NUMA1: variants seen among roughly 807,000 people sequenced by gnomAD.
NUMA1 encodes the protein nuclear mitotic apparatus protein 1.
Under a neutral mutation model 237.1 loss-of-function variants are expected in NUMA1, and 62 were observed. That is an observed-to-expected ratio of 0.26 (90% CI 0.21 to 0.32). The LOEUF is 0.32. Among genes scored for constraint, NUMA1 ranks in the 10% least tolerant of loss-of-function variants. The pLI, the probability that NUMA1 is intolerant of heterozygous loss-of-function variation, is 1.00. For synonymous variants in NUMA1, 1,028 were observed against 1,066.1 expected, an observed-to-expected ratio of 0.96 and a Z score of 0.70; for missense variants, 2,533 against 2,666.5, an observed-to-expected ratio of 0.95 and a Z score of 1.10.
At chr11:72,051,515 G>C (rs1168599677) in intron 2 of NUMA1, among the ~76,000 whole-genome samples, 1 of 144,520 alleles carries the variant, frequency 6.9e-6, no homozygotes, top group East Asian at 2.0e-4. Context: ...CTGCTGCCCA[G>C]GCTGGAGTGC....
At chr11:72,023,793 T>G (rs1432800909) in intron 5 of NUMA1, among the ~76,000 whole-genome samples, 1 of 152,058 alleles carries the variant, frequency 6.6e-6, no homozygotes, top group African/African-American at 2.4e-5. Flanking sequence ...CTCCATATTA[T>G]AGATAGGGAA....
At chr11:72,056,098 G>A (rs1234958185) in intron 2 of NUMA1, among the ~76,000 whole-genome samples, 1 of 151,546 alleles carries the variant, frequency 6.6e-6, no homozygotes, top group Non-Finnish European at 1.5e-5. Context: ...GCAGTGAGCT[G>A]AGATCATACC....
In NUMA1 at chr11:72,018,966, G is replaced by T. The variant is rs1938332400; in HGVS notation, c.599C>A (p.Ser200Tyr). Residue 200 changes from serine (S) to tyrosine (Y), a missense_variant, in exon 10 of 27, where the codon TCT becomes TAT. By Grantham distance (144) the Ser-to-Tyr change is moderately radical (BLOSUM62 -2). Coordinates refer to ENST00000393695, the MANE Select transcript of NUMA1 (RefSeq NM_006185.4). The stretch of plus-strand genomic sequence containing the variant: ...GATATCACCCATGGGAGAAGCTGGA[G>T]AACCTGAGAGAAAGCTGAGGAGGGA... ...SSSGNNFLSG[S>Y]PASPMGDILQ... 1 of 1,613,816 alleles carries T rather than the reference G, an allele frequency of 6.2e-7. No homozygotes were observed. The highest frequency in any genetic ancestry group is 8.5e-7 in the Non-Finnish European group (1 of 1,180,012).
rs1224402088 is a variant in NUMA1, at chr11:72,015,724, C to T, written c.1779G>A (p.Glu593=). 1.2e-6 allele frequency: 2 copies of T among 1,614,078 alleles called. No homozygotes were observed. The highest frequency in any genetic ancestry group is 1.3e-5 in the African/African-American group (1 of 74,942). The change falls in exon 15 of 27, where the codon GAG becomes GAA. Residue 593 remains glutamate, a synonymous_variant. Coordinates refer to ENST00000393695, the MANE Select transcript of NUMA1 (RefSeq NM_006185.4). This position sits in a 1 kb window ranked among gnomAD's most constrained non-coding sequence, Gnocchi z 4.0. ...QQLATAAEER[E]ASLRERDAAL... ...CCGCATCCCGCTCCCTTAAGGAGGCCTCTCGCTCCTCTGCAGCAGTGGCCA... is the reference window on the plus strand; with the variant it reads ...CCGCATCCCGCTCCCTTAAGGAGGCTTCTCGCTCCTCTGCAGCAGTGGCCA...
At position 72,029,282 on chromosome 11, in the gene NUMA1, A is replaced by G. The variant is rs763258134; in HGVS notation, c.51T>C (p.Ser17=). 3 of 1,605,878 alleles carry G rather than the reference A, an allele frequency of 1.9e-6. No individual in the cohort carries two copies. Among genetic ancestry groups the G allele is most frequent in the Admixed American group, 1.7e-5 (1 of 59,940 alleles). The stretch of plus-strand genomic sequence containing the variant: ...CCTCCACAGGGTCAGCCACGTGTAG[A>G]CTGTTCACCTGTAAATCAAAGGGAA... ...RGAALLSWVN[S]LHVADPVEAV... Residue 17 remains serine, a synonymous_variant, in exon 4 of 27, where the codon AGT becomes AGC. Coordinates refer to ENST00000393695, the MANE Select transcript of NUMA1 (RefSeq NM_006185.4).
rs1939982600 is a variant in NUMA1, at chr11:72,029,254, C to T, written c.79G>A (p.Val27Met). Residue 27 changes from valine to methionine, a missense_variant, in exon 4 of 27, where the codon GTG becomes ATG. By Grantham distance (21) the Val-to-Met change is conservative. Coordinates refer to ENST00000393695, the MANE Select transcript of NUMA1 (RefSeq NM_006185.4). ...SLHVADPVEA[V>M]LQLQDCSIFI... ...ATGCTGCAGTCCTGGAGCTGCAGCA[C>T]AGCCTCCACAGGGTCAGCCACGTGT... 4 of 1,610,474 alleles carry T rather than the reference C, an allele frequency of 2.5e-6. No homozygotes were observed. In the Admixed American group the frequency reaches 5.0e-5, roughly 20 times the overall value.
chr11:72,029,385 A>C, intron 3 of NUMA1, 95 bp from the exon 4 acceptor site: 2 of 656,342 alleles, frequency 3.0e-6, no homozygotes, highest in Non-Finnish European at 5.0e-6. Context: ...ACAGTTGTAG[A>C]CTATAGGAAT....
chr11:72,050,044 G>A (rs1414490754), intron 2 of NUMA1, among the ~76,000 whole-genome samples: 2 of 152,140 alleles, frequency 1.3e-5, no homozygotes, highest in Non-Finnish European at 2.9e-5. Flanking sequence ...CGAGGCACAT[G>A]TGGGTGCTTC....
intron 3 of NUMA1, among the ~76,000 whole-genome samples, chr11:72,030,199 G>A (rs1040108899): frequency 6.6e-6 from 1 of 151,982 alleles, no homozygotes; most frequent in Non-Finnish European, 1.5e-5. Context: ...GCCAGGAGTG[G>A]TGGCACATAC....
intron 2 of NUMA1, among the ~76,000 whole-genome samples, chr11:72,037,257 G>A (rs1941130063): frequency 6.6e-6 from 1 of 152,202 alleles, no homozygotes; most frequent in Non-Finnish European, 1.5e-5. Context: ...TGTAATCCCA[G>A]CACTTTGAGA....
chr11:72,028,676 A>G (rs1939900422), intron 4 of NUMA1, among the ~76,000 whole-genome samples: 1 of 152,220 alleles, frequency 6.6e-6, no homozygotes, highest in Admixed American at 6.5e-5. Context: ...AAGTTAATTG[A>G]AGCAGTAAAA....
Position 72,014,351 on chromosome 11 carries a change from G to A in NUMA1, c.3152C>T (p.Ala1051Val), listed in dbSNP as rs150479005. ...CTTTTCCGTCAGGGCATGAGCCAGT[G>A]CCTCTTGCAGGGTAGCGAACTCCAC... ...QRVEFATLQE[A>V]LAHALTEKEG... The change falls in exon 15 of 27, where the codon GCA becomes GTA. Residue 1051 changes from alanine to valine, a missense_variant. Coordinates refer to ENST00000393695, the MANE Select transcript of NUMA1 (RefSeq NM_006185.4). This position sits in a 1 kb window ranked among gnomAD's most constrained non-coding sequence, Gnocchi z 4.6. 6.3e-4 allele frequency: 1,019 copies of A among 1,613,628 alleles called. 12 individuals carry two copies. In the East Asian group the frequency reaches 0.017, roughly 27 times the overall value.
At chr11:72,080,063 C>A (rs1483540806) in intron 1 of NUMA1, among the ~76,000 whole-genome samples, 1 of 152,184 alleles carries the variant, frequency 6.6e-6, no homozygotes, top group East Asian at 1.9e-4. Context: ...TTTGGCAGGT[C>A]ATTGTGGACG....
At chr11:72,021,564 T>G (rs1938833144) in intron 7 of NUMA1, among the ~76,000 whole-genome samples, 1 of 152,188 alleles carries the variant, frequency 6.6e-6, no homozygotes, top group Non-Finnish European at 1.5e-5. Context: ...TGACCACAAG[T>G]GAAGTGACTG....
At position 72,016,103 on chromosome 11, in the gene NUMA1, A is replaced by G. The variant is rs1299480569; in HGVS notation, c.1400T>C (p.Leu467Pro). The change falls in exon 15 of 27, where the codon CTG becomes CCG. Residue 467 changes from leucine (L) to proline (P), a missense_variant. Around this residue, in one of 3 missense-constraint regions of NUMA1, gnomAD observed 1,414 missense variants for 1,508.1 expected, o/e 0.94. Coordinates refer to ENST00000393695, the MANE Select transcript of NUMA1 (RefSeq NM_006185.4). ...GATGGAGCTCTGCAGGTCAGTGATCAGGCTAGACAGCTGCTGCTTTTCTTC... is the reference window on the plus strand; with the variant it reads ...GATGGAGCTCTGCAGGTCAGTGATCGGGCTAGACAGCTGCTGCTTTTCTTC... Reference protein sequence around the residue: ...FEEEKQQLSSLITDLQSSISN... With the variant: ...FEEEKQQLSSPITDLQSSISN... 11 of 1,614,046 alleles carry G rather than the reference A, an allele frequency of 6.8e-6. No individual in the cohort carries two copies. The Admixed American group carries it at 1.7e-4, about 24-fold the overall frequency.
Position 72,014,507 on chromosome 11 carries a change from CGCTCCTCCTGCTGCTGCCCCT to C in NUMA1, c.2975_2995del (p.Gln992_Glu998del), listed in dbSNP as rs748484294. The C allele has an allele frequency of 2.5e-5, 40 of 1,601,786 alleles. No homozygotes were observed. The highest frequency in any genetic ancestry group is 3.3e-5 in the Admixed American group (2 of 60,000). On this transcript the variant is annotated inframe_deletion, in exon 15 of 27. Coordinates refer to ENST00000393695, the MANE Select transcript of NUMA1 (RefSeq NM_006185.4). The surrounding 1 kb of genome is among the most constrained non-coding windows in gnomAD (Gnocchi z 4.6). ...CGCCACCTCCCTTTCCTGCTGCCCA[CGCTCCTCCTGCTGCTGCCCCT>C]GGCTCTCCATCAGCGCGGCCCGCAG...
intron 2 of NUMA1, among the ~76,000 whole-genome samples, chr11:72,044,344 G>A (rs1941867552): frequency 6.6e-6 from 1 of 152,104 alleles, no homozygotes; most frequent in African/African-American, 2.4e-5. Flanking sequence ...TAGGATGGGT[G>A]TTTCCTGCAG....
intron 20 of NUMA1, chr11:72,008,448 C>T: frequency 1.9e-6 from 1 of 532,040 alleles, no homozygotes; most frequent in Non-Finnish European, 3.4e-6. Flanking sequence ...GTCAACCTGG[C>T]ACACACACCT....
rs1175942029 is a variant in NUMA1, at chr11:72,021,274, A to G, written c.390T>C (p.Ile130=). 11 of 1,614,034 alleles carry G rather than the reference A, an allele frequency of 6.8e-6. No individual in the cohort carries two copies. Among genetic ancestry groups the G allele is most frequent in the Non-Finnish European group, 8.5e-6 (10 of 1,180,020 alleles). Residue 130 remains isoleucine, a synonymous_variant, in exon 8 of 27, where the codon ATT becomes ATC. Coordinates refer to ENST00000393695, the MANE Select transcript of NUMA1 (RefSeq NM_006185.4). The stretch of plus-strand genomic sequence containing the variant: ...CCTCATGGTCCAGCACAAATTTAAG[A>G]ATGACAGCCAACTCAGCCTGGGCCA... ...EYKIQAELAV[I]LKFVLDHEDG...
Sources: allele counts gnomAD v4.1 joint callset (sites outside exome capture counted in the v4.1 genomes callset), GRCh38; gene constraint gnomAD v4.1.1; regional missense constraint gnomAD v4.1.1; non-coding constraint Gnocchi (gnomAD v3.1); transcripts MANE v1.5; gene names NCBI Gene and HGNC (gene_info 2026-07-23, HGNC 2026-07-21).